The following FGD3 variants were observed in gnomAD, a reference collection of about 807,000 sequenced individuals.
FGD3 encodes the protein FYVE, RhoGEF and PH domain containing 3, also known as FYVE, RhoGEF and PH domain-containing protein 3.
In FGD3, 45 loss-of-function variants were observed where a neutral mutation model predicts 71.8. The ratio of observed to expected loss-of-function variants is 0.63; its 90% CI spans 0.49 to 0.80. FGD3 has a LOEUF of 0.80. FGD3 is among the 30% of genes least tolerant of loss of function. FGD3 has a pLI of 0.00. For missense variants in FGD3, 844 were observed against 951.5 expected, an observed-to-expected ratio of 0.89 and a Z score of 1.49; for synonymous variants, 378 against 392.8, an observed-to-expected ratio of 0.96 and a Z score of 0.44.
At chr9:92,992,768 C>T (rs752626727) in intron 3 of FGD3, among the ~76,000 whole-genome samples, 1 of 152,146 alleles carries the variant, frequency 6.6e-6, no homozygotes, top group South Asian at 2.1e-4. Flanking sequence ...GCCTCGTTCA[C>T]AGTGGGTGGT....
intron 1 of FGD3, among the ~76,000 whole-genome samples, chr9:92,958,091 C>T (rs1434608470): frequency 3.9e-5 from 6 of 151,998 alleles, no homozygotes; most frequent in South Asian, 2.1e-4. Context: ...CTCCACCTCC[C>T]AGGTTCAAGT....
intron 16 of FGD3, 123 bp downstream of exon 16, chr9:93,032,996 G>A (rs1170599731): frequency 2.0e-6 from 2 of 979,276 alleles, no homozygotes; most frequent in African/African-American, 1.6e-5. Context: ...CAGGATAGAT[G>A]TGGGTGTGTC....
At chr9:92,961,765 A>G (rs1859171425) in intron 1 of FGD3, among the ~76,000 whole-genome samples, 2 of 152,192 alleles carry the variant, frequency 1.3e-5, no homozygotes, top group African/African-American at 4.8e-5. Context: ...TCATTCACAC[A>G]TCACAAGTTG....
In FGD3 at chr9:93,002,835, C is replaced by G. The variant is rs996215443; in HGVS notation, c.454-90C>G. Reference sequence around the variant, plus strand: ...TGGCCTCCTGCCACCCCTGTGGCCCCTGGTTCTCCTGCACACAGTGGCAGC... The same window carrying G: ...TGGCCTCCTGCCACCCCTGTGGCCCGTGGTTCTCCTGCACACAGTGGCAGC... On this transcript the variant is annotated intron_variant, in intron 3 of 17. Transcript: ENST00000375482. 10 of 1,338,282 alleles carry G rather than the reference C, an allele frequency of 7.5e-6. No individual in the cohort carries two copies. The Admixed American group carries it at 1.2e-4, about 16-fold the overall frequency. The allele number at this position is 1,338,282 out of a possible 1,614,324, so 82.9% of individuals were successfully genotyped here.
chr9:92,992,099 A>T (rs941864692), intron 3 of FGD3, among the ~76,000 whole-genome samples: 4 of 152,186 alleles, frequency 2.6e-5, no homozygotes, highest in African/African-American at 9.7e-5. Context: ...TTGTTAATCC[A>T]TTCAGCTAGT....
chr9:93,009,538 CAG>C (rs1231228740), intron 6 of FGD3, among the ~76,000 whole-genome samples: 2 of 152,160 alleles, frequency 1.3e-5, no homozygotes, highest in Non-Finnish European at 2.9e-5. Context: ...TGGGCATCAT[CAG>C]GGGAGGCAGA....
chr9:92,966,740 G>C (rs1253020087), intron 1 of FGD3, among the ~76,000 whole-genome samples: 1 of 152,188 alleles, frequency 6.6e-6, no homozygotes, highest in Non-Finnish European at 1.5e-5. Flanking sequence ...CTCAGAAAGG[G>C]ACACTAAGGA....
intron 1 of FGD3, among the ~76,000 whole-genome samples, chr9:92,956,196 G>A (rs1162151042): frequency 6.6e-6 from 1 of 152,064 alleles, no homozygotes; most frequent in African/African-American, 2.4e-5. Flanking sequence ...TGCAAACATG[G>A]ACAATTTTAT....
At chr9:92,962,477 G>A (rs903122301) in intron 1 of FGD3, among the ~76,000 whole-genome samples, 3 of 152,222 alleles carry the variant, frequency 2.0e-5, no homozygotes, top group African/African-American at 7.2e-5. Flanking sequence ...GGGGGCAGGA[G>A]CCAAGACTCC....
At chr9:92,986,704 C>G (rs957606372) in intron 3 of FGD3, among the ~76,000 whole-genome samples, 1 of 152,168 alleles carries the variant, frequency 6.6e-6, no homozygotes, top group Non-Finnish European at 1.5e-5. Flanking sequence ...GCCCTGTGCC[C>G]GCAGACAAAC....
intron 1 of FGD3, among the ~76,000 whole-genome samples, chr9:92,952,310 C>T (rs952313773): frequency 5.4e-5 from 8 of 148,918 alleles, no homozygotes; most frequent in African/African-American, 2.0e-4. Context: ...GATCTCGGCT[C>T]ACTGCAAGCT....
intron 3 of FGD3, among the ~76,000 whole-genome samples, chr9:92,983,560 T>C (rs1860077980): frequency 6.6e-6 from 1 of 152,174 alleles, no homozygotes; most frequent in Non-Finnish European, 1.5e-5. Context: ...TTATCATTAT[T>C]AGTGATAACA....
intron 3 of FGD3, among the ~76,000 whole-genome samples, chr9:92,994,609 C>T (rs1860555355): frequency 6.6e-6 from 1 of 152,114 alleles, no homozygotes; most frequent in Non-Finnish European, 1.5e-5. Context: ...GGTTTTAGGT[C>T]TAACGTTTAA....
At chr9:93,033,455 C>G (rs1365285027) in intron 16 of FGD3, 1 of 158,782 alleles carries the variant, frequency 6.3e-6, no homozygotes, top group Non-Finnish European at 1.4e-5. Context: ...TTTTTCTACT[C>G]TTCCCTCTCC....
intron 3 of FGD3, among the ~76,000 whole-genome samples, chr9:93,000,469 C>T (rs1252695240): frequency 1.3e-5 from 2 of 152,148 alleles, no homozygotes; most frequent in African/African-American, 2.4e-5. Context: ...TTTTAGAGCA[C>T]ATTTAATGGC....
Position 93,035,336 on chromosome 9 carries a change from A to G in FGD3, c.1927-2A>G. On this transcript the variant is annotated splice_acceptor_variant, in intron 17 of 17. Transcript: ENST00000375482. LOFTEE classifies it high-confidence loss of function. ...CGCTGACCATCTGCTCCTCTGCTGCAGGACGGCCGGCTGCCCCGCACCATC... is the reference window on the plus strand; with the variant it reads ...CGCTGACCATCTGCTCCTCTGCTGCGGGACGGCCGGCTGCCCCGCACCATC... 1 of 1,607,352 alleles carries G rather than the reference A, an allele frequency of 6.2e-7. No homozygotes were observed.
At chr9:92,988,931 T>A (rs1860293541) in intron 3 of FGD3, among the ~76,000 whole-genome samples, 1 of 152,208 alleles carries the variant, frequency 6.6e-6, no homozygotes, top group African/African-American at 2.4e-5. Context: ...GCTGAGAAAC[T>A]ACATTAGTCT....
At chr9:92,999,054 A>T (rs550918045) in intron 3 of FGD3, among the ~76,000 whole-genome samples, 3 of 152,210 alleles carry the variant, frequency 2.0e-5, no homozygotes, top group African/African-American at 7.2e-5. Flanking sequence ...TTGTTCAGCT[A>T]TGCCCTACCC....
At chr9:93,004,741 C>T (rs901440979) in intron 5 of FGD3, among the ~76,000 whole-genome samples, 4 of 152,154 alleles carry the variant, frequency 2.6e-5, no homozygotes, top group African/African-American at 7.2e-5. Flanking sequence ...CTGTGCCCTT[C>T]GCAGGCCCGG....
Sources: allele counts gnomAD v4.1 joint callset (sites outside exome capture counted in the v4.1 genomes callset), GRCh38; gene constraint gnomAD v4.1.1; transcripts MANE v1.5; gene names NCBI Gene and HGNC (gene_info 2026-07-23, HGNC 2026-07-21).